CIROZ: variants seen among roughly 807,000 people sequenced by gnomAD.
CIROZ encodes ciliated left-right organizer ZP-N domains-containing protein.
At chr1:10,968,152 C>G in the CIROZ span, among the ~76,000 whole-genome samples, 2 of 149,194 alleles carry the variant, frequency 1.3e-5, no homozygotes, top group African/African-American at 5.2e-5. Flanking sequence ...AAGTGAGACT[C>G]CGTCTCAATA....
At chr1:10,948,846 T>G in the CIROZ span, 2 of 1,485,966 alleles carry the variant, frequency 1.3e-6, no homozygotes, top group Non-Finnish European at 1.8e-6. Flanking sequence ...AAGCCCCTTC[T>G]TCACCAAGAG....
the CIROZ span, among the ~76,000 whole-genome samples, chr1:10,970,430 C>T: frequency 6.6e-6 from 1 of 152,160 alleles, no homozygotes; most frequent in Non-Finnish European, 1.5e-5. Flanking sequence ...GAGTTCGAGA[C>T]CAGCCTGGCC....
chr1:10,972,413 T>G, the CIROZ span, among the ~76,000 whole-genome samples: 1 of 118,184 alleles, frequency 8.5e-6, no homozygotes, highest in African/African-American at 3.1e-5. Context: ...AGACCCTGTC[T>G]CTGAAATACA....
At chr1:10,970,989 A>AT in the CIROZ span, among the ~76,000 whole-genome samples, 2 of 145,654 alleles carry the variant, frequency 1.4e-5, no homozygotes, top group Non-Finnish European at 1.5e-5. Flanking sequence ...TAAGAAAAAA[A>AT]TTTTTTGTTT....
At chr1:10,970,592 G>A in the CIROZ span, among the ~76,000 whole-genome samples, 6 of 152,228 alleles carry the variant, frequency 3.9e-5, no homozygotes, top group South Asian at 1.2e-3. Context: ...TCACACCACT[G>A]CACTCCAGCC....
the CIROZ span, chr1:10,949,520 T>G: frequency 8.0e-7 from 1 of 1,242,260 alleles, no homozygotes; most frequent in Non-Finnish European, 1.1e-6. Context: ...GGAAGAATGG[T>G]GGTGAAAGAG....
the CIROZ span, among the ~76,000 whole-genome samples, chr1:10,975,643 C>T: frequency 6.6e-6 from 1 of 151,310 alleles, no homozygotes; most frequent in South Asian, 2.1e-4. Flanking sequence ...ACCCTCAGCA[C>T]AGGGCCAAGC....
chr1:10,947,511 C>T, the CIROZ span: 7 of 611,670 alleles, frequency 1.1e-5, no homozygotes, highest in Non-Finnish European at 1.8e-5. Context: ...TGGCTGAGCA[C>T]AGTGATCATC....
chr1:10,947,923 G>T, the CIROZ span: 1 of 1,613,816 alleles, frequency 6.2e-7, no homozygotes, highest in Non-Finnish European at 8.5e-7. Flanking sequence ...GGCCAGCCAG[G>T]GGCTGACTCC....
the CIROZ span, among the ~76,000 whole-genome samples, chr1:10,952,927 C>T: frequency 6.6e-6 from 1 of 152,242 alleles, no homozygotes; most frequent in Non-Finnish European, 1.5e-5. Flanking sequence ...TAAATCGCAA[C>T]TGCTTATTGA....
the CIROZ span, chr1:10,948,495 A>G: frequency 6.2e-7 from 1 of 1,614,146 alleles, no homozygotes; most frequent in Non-Finnish European, 8.5e-7. Flanking sequence ...TTCAGGCCTC[A>G]CAGTTCCTAG....
the CIROZ span, chr1:10,964,151 G>T: frequency 6.2e-7 from 1 of 1,613,926 alleles, no homozygotes; most frequent in East Asian, 2.2e-5. Context: ...GGCCCACAGT[G>T]GACGCTTTCC....
At chr1:10,980,434 C>T in the CIROZ span, among the ~76,000 whole-genome samples, 1 of 152,240 alleles carries the variant, frequency 6.6e-6, no homozygotes, top group Non-Finnish European at 1.5e-5. Flanking sequence ...GAGCCCAATG[C>T]GGAATTCCTC....
the CIROZ span, among the ~76,000 whole-genome samples, chr1:10,980,682 G>C: frequency 7.7e-4 from 118 of 152,308 alleles, 1 homozygote; most frequent in East Asian, 0.022. Flanking sequence ...GGTGGCAGGT[G>C]GGGGGTAGAC....
At chr1:10,956,496 G>C in the CIROZ span, among the ~76,000 whole-genome samples, 1 of 146,660 alleles carries the variant, frequency 6.8e-6, no homozygotes, top group African/African-American at 2.5e-5. Flanking sequence ...TTTTTTTTGA[G>C]ATGGAGTCTC....
chr1:10,967,421 T>A, the CIROZ span, among the ~76,000 whole-genome samples: 1 of 152,208 alleles, frequency 6.6e-6, no homozygotes, highest in South Asian at 2.1e-4. Context: ...TCAGTCCTTG[T>A]GCAAATGTTG....
chr1:10,953,495 G>A, the CIROZ span, among the ~76,000 whole-genome samples: 1 of 152,204 alleles, frequency 6.6e-6, no homozygotes, highest in East Asian at 1.9e-4. Context: ...TGAGAAACAA[G>A]TTGCATCGTG....
chr1:10,956,750 T>C, the CIROZ span, among the ~76,000 whole-genome samples: 1 of 152,126 alleles, frequency 6.6e-6, no homozygotes, highest in Non-Finnish European at 1.5e-5. Flanking sequence ...GTGCTGGGAT[T>C]ACAGGCGTGA....
the CIROZ span, among the ~76,000 whole-genome samples, chr1:10,951,029 C>T: frequency 6.6e-6 from 1 of 152,138 alleles, no homozygotes. Flanking sequence ...AGCTTTGCTG[C>T]CTTATCCTCC....
Sources: allele counts gnomAD v4.1 joint callset (sites outside exome capture counted in the v4.1 genomes callset), GRCh38; gene constraint gnomAD v4.1.1; transcripts MANE v1.5; gene names NCBI Gene and HGNC (gene_info 2026-07-23, HGNC 2026-07-21).